MAP3K12: variants seen among roughly 807,000 people sequenced by gnomAD.
MAP3K12 encodes mitogen-activated protein kinase kinase kinase 12, also known as MAPK-upstream kinase.
In MAP3K12, 14 loss-of-function variants were observed where a neutral mutation model predicts 87.5. The ratio of observed to expected loss-of-function variants is 0.16; its 90% CI spans 0.11 to 0.25. The LOEUF (loss-of-function observed/expected upper bound fraction) is 0.25. MAP3K12 is among the 10% of genes least tolerant of loss of function. The pLI, the probability that MAP3K12 is intolerant of heterozygous loss-of-function variation, is 1.00. For synonymous variants in MAP3K12, 469 were observed against 452.5 expected, an observed-to-expected ratio of 1.04 and a Z score of -0.46; for missense variants, 802 against 1,140.4, an observed-to-expected ratio of 0.70 and a Z score of 4.27.
At chr12:53,497,057 C>T (rs1000304068) in intron 1 of MAP3K12, among the ~76,000 whole-genome samples, 5 of 152,220 alleles carry the variant, frequency 3.3e-5, no homozygotes, top group African/African-American at 7.2e-5. Flanking sequence ...TTACACAGAC[C>T]TGGGTTCAAA....
chr12:53,498,401 G>C (rs1943586816), intron 1 of MAP3K12, among the ~76,000 whole-genome samples: 1 of 152,130 alleles, frequency 6.6e-6, no homozygotes, highest in Admixed American at 6.5e-5. Flanking sequence ...GACTCTGGGT[G>C]GGGTGAGGAG....
chr12:53,496,992 G>A (rs1185231571), intron 1 of MAP3K12, among the ~76,000 whole-genome samples: 2 of 152,328 alleles, frequency 1.3e-5, no homozygotes, highest in Non-Finnish European at 2.9e-5. Context: ...TGGTACCTAT[G>A]TCCCACAGTG....
At position 53,482,802 on chromosome 12, in the gene MAP3K12, T is replaced by G. The variant is rs768055277; in HGVS notation, c.2001A>C (p.Ser667=). The change falls in exon 11 of 14, where the codon TCA becomes TCC. Residue 667 remains serine (S), a synonymous_variant. Transcript: ENST00000547488. ...GATGGAGDPG[S]PPPARGDTPP... is the part of the protein sequence containing the mutation. ...GGGTGTCACCCCGGGCCGGAGGTGG[T>G]GAGCCAGGATCCCCAGCTCCGCCTG... The G allele has an allele frequency of 6.2e-7, 1 of 1,611,506 alleles. No individual in the cohort carries two copies. The highest frequency in any genetic ancestry group is 8.5e-7 in the Non-Finnish European group (1 of 1,178,268).
Position 53,482,490 on chromosome 12 carries a change from T to G in MAP3K12, c.2238+75A>C, listed in dbSNP as rs1021281055. On this transcript the variant is annotated intron_variant, in intron 11 of 13. Transcript: ENST00000547488. ...GGGAATGGCTTAAAATTGAGCATAA[T>G]GTGGGGGATTAGACTTGGACCCCAG... 6 of 1,604,454 alleles carry G rather than the reference T, an allele frequency of 3.7e-6. No individual in the cohort carries two copies. In the Admixed American group the frequency reaches 1.0e-4, roughly 27 times the overall value.
In MAP3K12 at chr12:53,484,281, G is replaced by A; in HGVS notation, c.1224C>T (p.Pro408=). The A allele has an allele frequency of 6.2e-7, 1 of 1,614,076 alleles. No homozygotes were observed. The highest frequency in any genetic ancestry group is 8.5e-7 in the Non-Finnish European group (1 of 1,179,918). Residue 408 remains proline, a synonymous_variant, in exon 7 of 14, where the codon CCC becomes CCT. Transcript: ENST00000547488. ...DIASADVLST[P]QETYFKSQAE... ...CCTGGGACTTAAAGTAAGTCTCCTG[G>A]GGTGTGGAGAGTACATCAGCTGAGG...
At position 53,482,313 on chromosome 12, in the gene MAP3K12, C is replaced by T. The variant is rs766737424; in HGVS notation, c.2295G>A (p.Leu765=). 3 of 1,614,166 alleles carry T rather than the reference C, an allele frequency of 1.9e-6. No individual in the cohort carries two copies. Among genetic ancestry groups the T allele is most frequent in the Non-Finnish European group, 2.5e-6 (3 of 1,180,016 alleles). The change falls in exon 12 of 14, where the codon CTG becomes CTA. Residue 765 remains leucine (L), a synonymous_variant. Transcript: ENST00000547488. ...CCATCACTTACCTCTGGCTTGATGT[C>T]AGCTCTACTTCACTGTCTACCTCTC... ...EEGEVDSEVE[L]TSSQRWPQSL...
At chr12:53,494,302 C>G (rs1442233060) in intron 1 of MAP3K12, among the ~76,000 whole-genome samples, 1 of 152,212 alleles carries the variant, frequency 6.6e-6, no homozygotes, top group Non-Finnish European at 1.5e-5. Context: ...CCATATCTAC[C>G]AAGTGTTGAT....
rs981994126 is a variant in MAP3K12, at chr12:53,486,330, T to G, written c.630-83A>C. ...ACCTGGAACCCCCATTCCCACCCAT[T>G]CCACCTATGGATCTCCTCTGGGGAA... is the stretch of plus-strand genomic sequence containing the variant. On this transcript the variant is annotated intron_variant, in intron 3 of 13. Transcript: ENST00000547488. This position sits in a 1 kb window ranked among gnomAD's most constrained non-coding sequence, Gnocchi z 4.9. 4 of 1,554,324 alleles carry G rather than the reference T, an allele frequency of 2.6e-6. No individual in the cohort carries two copies. In the African/African-American group the frequency reaches 5.4e-5, roughly 21 times the overall value.
intron 1 of MAP3K12, among the ~76,000 whole-genome samples, chr12:53,494,712 G>C (rs1487786309): frequency 6.6e-6 from 1 of 152,130 alleles, no homozygotes; most frequent in African/African-American, 2.4e-5. Context: ...CTCAGGAAAA[G>C]GAGAATGATT....
intron 6 of MAP3K12, chr12:53,484,835 G>A: frequency 3.4e-6 from 2 of 592,970 alleles, no homozygotes; most frequent in Non-Finnish European, 3.0e-6. Context: ...AATCAGGAAT[G>A]CAGATATCGT....
chr12:53,499,459 G>C (rs1478595535), upstream of MAP3K12: 1 of 145,382 alleles, frequency 6.9e-6, no homozygotes, highest in East Asian at 2.1e-4. Flanking sequence ...CACAAAAGGC[G>C]GCGCTGCTGC....
At chr12:53,483,229 T>A in intron 10 of MAP3K12, 40 bp from the exon 11 acceptor site, 1 of 1,537,382 alleles carries the variant, frequency 6.5e-7, no homozygotes, top group Non-Finnish European at 8.7e-7. Flanking sequence ...GACTGCCAAA[T>A]CTATGTACTC....
chr12:53,484,842 T>A, intron 6 of MAP3K12: 1 of 604,484 alleles, frequency 1.7e-6, no homozygotes, highest in Non-Finnish European at 2.9e-6. Context: ...AATGCAGATA[T>A]CGTTAAGTGT....
chr12:53,493,238 C>G (rs1313814234), intron 1 of MAP3K12, among the ~76,000 whole-genome samples: 4 of 152,100 alleles, frequency 2.6e-5, no homozygotes, highest in Non-Finnish European at 5.9e-5. Context: ...TGCCTGGGCC[C>G]CGCCCCTGAC....
chr12:53,495,483 G>A (rs1391321246), intron 1 of MAP3K12, among the ~76,000 whole-genome samples: 4 of 144,498 alleles, frequency 2.8e-5, no homozygotes, highest in Admixed American at 1.4e-4. Context: ...AGTGGTGGGC[G>A]CACCTGTAGT....
At chr12:53,488,459 C>T (rs1038516221) in intron 1 of MAP3K12, among the ~76,000 whole-genome samples, 7 of 152,010 alleles carry the variant, frequency 4.6e-5, no homozygotes, top group Admixed American at 2.0e-4. Flanking sequence ...GTCAGGAATT[C>T]GAGACCAGTC....
At position 53,486,002 on chromosome 12, in the gene MAP3K12, G is replaced by A. The variant is rs1943218657; in HGVS notation, c.821+54C>T. The A allele has an allele frequency of 2.0e-6, 3 of 1,530,966 alleles. No homozygotes were observed. The highest frequency in any genetic ancestry group is 2.7e-6 in the Non-Finnish European group (3 of 1,126,834). The allele number at this position is 1,530,966 out of a possible 1,614,324, so 94.8% of individuals were successfully genotyped here. On this transcript the variant is annotated intron_variant, in intron 4 of 13. Coordinates refer to ENST00000547488, the MANE Select transcript of MAP3K12 (RefSeq NM_001193511.2). The surrounding 1 kb of genome is among the most constrained non-coding windows in gnomAD (Gnocchi z 4.9). ...TTGGAAGCCGGGAGAAGGCCACACT[G>A]ACTTGAGTGGGTCACCTGCATGCAC... is the stretch of plus-strand genomic sequence containing the variant.
rs921445061 is a variant in MAP3K12, at chr12:53,480,738, G to A, written c.*444C>T. On this transcript the variant is annotated 3_prime_UTR_variant, in exon 14 of 14. Coordinates refer to ENST00000547488, the MANE Select transcript of MAP3K12 (RefSeq NM_001193511.2). ...GCCACCTGAGAAACCTCAGAGGGGA[G>A]GACCCAGCCTTAGCCTCCCTCCTCC... The A allele has an allele frequency of 6.6e-6, 1 of 152,574 alleles. No individual in the cohort carries two copies. The highest frequency in any genetic ancestry group is 2.4e-5 in the African/African-American group (1 of 41,394). The allele number at this position is 152,574 out of a possible 1,614,324, so 9.5% of individuals were successfully genotyped here.
Position 53,487,279 on chromosome 12 carries a change from G to C in MAP3K12, c.113C>G (p.Pro38Arg). The change falls in exon 2 of 14, where the codon CCC becomes CGC. Residue 38 changes from proline (P) to arginine (R), a missense_variant. This residue lies in a region of MAP3K12 where 135 missense variants were observed against 151.6 expected (regional missense o/e 0.89). Transcript: ENST00000547488. ...CTGGGTAGGCGTCAGGTCCTTCTCG[G>C]GAGTGCAGTCAGAAGTGTCTGGGTC... ...KLDPDTSDCTPEKDLTPTQCV... is the reference protein window; with the variant it reads ...KLDPDTSDCTREKDLTPTQCV... 1 of 1,614,064 alleles carries C rather than the reference G, an allele frequency of 6.2e-7. No homozygotes were observed. The highest frequency in any genetic ancestry group is 8.5e-7 in the Non-Finnish European group (1 of 1,179,982).
Sources: allele counts gnomAD v4.1 joint callset (sites outside exome capture counted in the v4.1 genomes callset), GRCh38; gene constraint gnomAD v4.1.1; regional missense constraint gnomAD v4.1.1; non-coding constraint Gnocchi (gnomAD v3.1); transcripts MANE v1.5; gene names NCBI Gene and HGNC (gene_info 2026-07-23, HGNC 2026-07-21).